TMX2: variants seen among roughly 807,000 people sequenced by gnomAD.
TMX2 encodes the protein thioredoxin related transmembrane protein 2.
A neutral mutation model predicts 33.4 loss-of-function variants in TMX2; 20 were observed. That is an observed-to-expected ratio of 0.60 (90% confidence interval 0.42 to 0.87). TMX2 has a LOEUF of 0.87. Among genes scored for constraint, TMX2 ranks in the 40% least tolerant of loss-of-function variants. The pLI is 0.00. For missense variants in TMX2, 340 were observed against 370.7 expected (o/e 0.92, Z 0.68); for synonymous variants, 166 against 140.7 (o/e 1.18, Z -1.27).
chr11:57,716,482 G>C (rs1472095678), intron 1 of TMX2, among the ~76,000 whole-genome samples: 7 of 137,092 alleles, frequency 5.1e-5, no homozygotes, highest in Admixed American at 4.9e-4. Context: ...CGGCTGGCCG[G>C]GCTGAGGGGC....
At chr11:57,732,729 C>T (rs1481593393) in intron 1 of TMX2, among the ~76,000 whole-genome samples, 1 of 152,050 alleles carries the variant, frequency 6.6e-6, no homozygotes, top group Non-Finnish European at 1.5e-5. Context: ...AGGAAGGTTC[C>T]TGGAACATAT....
Position 57,738,008 on chromosome 11 carries a change from T to C in TMX2, c.346T>C (p.Tyr116His), listed in dbSNP as rs1948856331. 6.2e-7 allele frequency: 1 copy of C among 1,613,532 alleles called. No homozygotes were observed. Among genetic ancestry groups the C allele is most frequent in the Non-Finnish European group, 8.5e-7 (1 of 1,179,600 alleles). Residue 116 changes from tyrosine (Y) to histidine (H), a missense_variant, in exon 3 of 8, where the codon TAC becomes CAC. This residue lies in a region of TMX2 where 209 missense variants were observed against 241.6 expected (regional missense o/e 0.87). Coordinates refer to ENST00000278422, the MANE Select transcript of TMX2 (RefSeq NM_015959.4). ...FRLDIRMGLL[Y>H]ITLCIVFLMT... is the part of the protein sequence containing the mutation. ...CTTGGATATTCGCATGGGCCTACTT[T>C]ACATCACACTCTGCATAGGTGAGGA...
intron 1 of TMX2, among the ~76,000 whole-genome samples, chr11:57,724,844 C>G (rs1315896650): frequency 6.6e-6 from 1 of 151,702 alleles, no homozygotes; most frequent in African/African-American, 2.4e-5. Flanking sequence ...TCAAGATTAG[C>G]CTGGCCAAGG....
At chr11:57,721,300 C>CCAAT (rs571594149) in intron 1 of TMX2, among the ~76,000 whole-genome samples, 604 of 151,446 alleles carry the variant, frequency 4.0e-3, no homozygotes, top group Admixed American at 5.9e-3. Context: ...GACTCCATCT[C>CCAAT]CAATCAATCA....
rs532181252 is a variant in TMX2 at position 57,731,838 on chromosome 11, C to G, written c.190-5770C>G. On this transcript the variant is annotated intron_variant, in intron 1 of 7. Coordinates refer to ENST00000278422, the MANE Select transcript of TMX2 (RefSeq NM_015959.4). Reference sequence around the variant, plus strand: ...AGAATTTTAAAACTCACCCACCAGTCTGGAGGGCCAGCTTGACCAATAGGC... The same window carrying G: ...AGAATTTTAAAACTCACCCACCAGTGTGGAGGGCCAGCTTGACCAATAGGC... 9.8e-5 allele frequency among the ~76,000 whole-genome samples: 15 copies of G among 152,294 alleles called. No individual in the cohort carries two copies. The South Asian group carries it at 2.3e-3, about 23-fold the overall frequency.
chr11:57,717,090 A>G (rs1164584751), intron 1 of TMX2, among the ~76,000 whole-genome samples: 1 of 142,718 alleles, frequency 7.0e-6, no homozygotes, highest in African/African-American at 2.8e-5. Context: ...GGCGCTCCCC[A>G]CATCTCAGAC....
At chr11:57,734,455 A>G (rs1948619490) in intron 1 of TMX2, among the ~76,000 whole-genome samples, 1 of 152,124 alleles carries the variant, frequency 6.6e-6, no homozygotes, top group African/African-American at 2.4e-5. Context: ...CTCTTTTAAA[A>G]TTCATCTTTC....
intron 1 of TMX2, among the ~76,000 whole-genome samples, chr11:57,716,856 C>G (rs927377614): frequency 6.6e-6 from 1 of 150,622 alleles, no homozygotes; most frequent in Non-Finnish European, 1.5e-5. Flanking sequence ...CCCCCCACCT[C>G]CCTCCTGGAC....
intron 1 of TMX2, among the ~76,000 whole-genome samples, chr11:57,713,646 A>G (rs1316942359): frequency 6.6e-6 from 1 of 152,222 alleles, no homozygotes; most frequent in African/African-American, 2.4e-5. Flanking sequence ...AATAGGAGAA[A>G]GGCATAGAAA....
chr11:57,739,885 T>C (rs969793954), intron 7 of TMX2, among the ~76,000 whole-genome samples: 5 of 152,210 alleles, frequency 3.3e-5, no homozygotes, highest in African/African-American at 7.2e-5. Context: ...TTAAATAATT[T>C]AGGTATAATT....
chr11:57,727,537 G>A (rs1948085480), intron 1 of TMX2, among the ~76,000 whole-genome samples: 2 of 152,154 alleles, frequency 1.3e-5, no homozygotes, highest in Non-Finnish European at 2.9e-5. Flanking sequence ...ATTCTCATCA[G>A]ATGGGTTTTA....
chr11:57,737,469 C>G, intron 1 of TMX2, 139 bp from the exon 2 acceptor site: 1 of 686,774 alleles, frequency 1.5e-6, no homozygotes. Context: ...CCCCGTACAC[C>G]TTACCTAACT....
At chr11:57,713,151 C>A (rs576859) in intron 1 of TMX2, among the ~76,000 whole-genome samples, 48,032 of 152,004 alleles carry the variant, frequency 0.32, 7,869 homozygotes, top group African/African-American at 0.35. Flanking sequence ...TTATGTAAAG[C>A]CTCCTGAGGA....
Position 57,737,963 on chromosome 11 carries a change from AAC to A in TMX2, c.305_306del (p.Thr102AsnfsTer34). 1 of 1,614,164 alleles carries A rather than the reference AAC, an allele frequency of 6.2e-7. No homozygotes were observed. On this transcript the variant is annotated frameshift_variant, in exon 3 of 8. Coordinates refer to ENST00000278422, the MANE Select transcript of TMX2 (RefSeq NM_015959.4). LOFTEE classifies it high-confidence loss of function. ...CATTTTCATGTTTAGTAAAGTGGCC[AAC>A]ACAATTCTTTTCTTCCGCTTGGATA... is the stretch of plus-strand genomic sequence containing the variant. ...GNIFMFSKVA[N>X]TILFFRLDIR... is the part of the protein sequence containing the mutation.
chr11:57,724,027 A>G (rs1947812777), intron 1 of TMX2, among the ~76,000 whole-genome samples: 1 of 152,084 alleles, frequency 6.6e-6, no homozygotes, highest in Non-Finnish European at 1.5e-5. Context: ...ATGTAAAGGA[A>G]TTGTTCCATT....
chr11:57,715,916 C>G (rs1946964462), intron 1 of TMX2, among the ~76,000 whole-genome samples: 1 of 152,074 alleles, frequency 6.6e-6, no homozygotes, highest in African/African-American at 2.4e-5. Flanking sequence ...CACCGATCAA[C>G]AGGATCCCAA....
At chr11:57,726,502 T>A (rs1445228534) in intron 1 of TMX2, among the ~76,000 whole-genome samples, 1 of 151,858 alleles carries the variant, frequency 6.6e-6, no homozygotes, top group Non-Finnish European at 1.5e-5. Flanking sequence ...CTTAATAATT[T>A]TAAGAAGTAA....
intron 1 of TMX2, among the ~76,000 whole-genome samples, chr11:57,733,247 ATTTTTTTT>A (rs71061537): frequency 5.3e-5 from 4 of 74,888 alleles, no homozygotes; most frequent in African/African-American, 1.2e-4. Context: ...ACAGTGAGGA[ATTTTTTTT>A]TTTTTTTTTT....
intron 1 of TMX2, among the ~76,000 whole-genome samples, chr11:57,729,212 C>A (rs1311924120): frequency 1.3e-5 from 2 of 152,074 alleles, no homozygotes; most frequent in African/African-American, 4.8e-5. Flanking sequence ...TTTATGGCAC[C>A]TCTACTTGCC....
Sources: gnomAD v4.1 joint callset for allele counts (sites outside exome capture counted in the v4.1 genomes callset) on GRCh38, gnomAD v4.1.1 for gene constraint, gnomAD v4.1.1 regional missense constraint, MANE v1.5 for transcripts, NCBI Gene and HGNC (gene_info 2026-07-23, HGNC 2026-07-21) for gene names.